The following SRRM4 variants were observed in gnomAD, a reference collection of about 807,000 sequenced individuals.
SRRM4 encodes the protein serine/arginine repetitive matrix protein 4.
In SRRM4, 33 loss-of-function variants were observed where a neutral mutation model predicts 68.9. That is an observed-to-expected ratio of 0.48 (90% CI 0.36 to 0.64). SRRM4 has a LOEUF of 0.64. Among genes scored for constraint, SRRM4 ranks in the 30% least tolerant of loss-of-function variants. SRRM4 has a pLI of 0.00. For missense variants in SRRM4, 817 were observed against 827.1 expected, an observed-to-expected ratio of 0.99 and a Z score of 0.15; for synonymous variants, 318 against 318.8, an observed-to-expected ratio of 1.00 and a Z score of 0.03.
intron 1 of SRRM4, among the ~76,000 whole-genome samples, chr12:119,042,116 C>A (rs1953673502): frequency 6.6e-6 from 1 of 152,158 alleles, no homozygotes; most frequent in Admixed American, 6.5e-5. Context: ...TTCCCAAGAA[C>A]ACGCAGTCAG....
intron 1 of SRRM4, among the ~76,000 whole-genome samples, chr12:119,049,532 T>A (rs1266607560): frequency 6.6e-6 from 1 of 152,196 alleles, no homozygotes; most frequent in Non-Finnish European, 1.5e-5. Flanking sequence ...TTTGAAAGGA[T>A]CACTCTGGCT....
chr12:118,983,743 G>A (rs964867386), intron 1 of SRRM4, among the ~76,000 whole-genome samples: 1 of 152,102 alleles, frequency 6.6e-6, no homozygotes, highest in Non-Finnish European at 1.5e-5. Context: ...GCCTTGCTTG[G>A]TACTTTCCAC....
chr12:119,076,059 T>C (rs1284143057), intron 1 of SRRM4, among the ~76,000 whole-genome samples: 1 of 151,772 alleles, frequency 6.6e-6, no homozygotes, highest in Admixed American at 6.6e-5. Flanking sequence ...ATGATGGTGA[T>C]GGTAGTAATG....
At chr12:119,144,863 A>G (rs1954390979) in intron 8 of SRRM4, among the ~76,000 whole-genome samples, 1 of 152,144 alleles carries the variant, frequency 6.6e-6, no homozygotes, top group African/African-American at 2.4e-5. Flanking sequence ...TATTCAGGCA[A>G]CTTTTTCTTT....
At chr12:119,002,285 G>T (rs940594444) in intron 1 of SRRM4, among the ~76,000 whole-genome samples, 1 of 152,002 alleles carries the variant, frequency 6.6e-6, no homozygotes, top group African/African-American at 2.4e-5. Context: ...CTGCTCTGAC[G>T]GTTTTTTTCC....
chr12:119,006,512 C>T (rs752470917), intron 1 of SRRM4, among the ~76,000 whole-genome samples: 2 of 152,166 alleles, frequency 1.3e-5, no homozygotes, highest in Non-Finnish European at 2.9e-5. Context: ...CTTCTGCTCC[C>T]GACTCCCCAT....
Position 119,158,164 on chromosome 12 carries a change from A to T in SRRM4, c.*1366A>T, listed in dbSNP as rs1954485972. On this transcript the variant is annotated 3_prime_UTR_variant, in exon 13 of 13. Coordinates refer to ENST00000267260, the MANE Select transcript of SRRM4 (RefSeq NM_194286.4). ...TAAGAACGGGGAGGTGAGGAATAAG[A>T]TCCTTAAAATAAACTCTTGGGCATC... 1 of 152,650 alleles carries T rather than the reference A, an allele frequency of 6.6e-6. No individual in the cohort carries two copies. Among genetic ancestry groups the T allele is most frequent in the South Asian group, 2.1e-4 (1 of 4,834 alleles). The allele number at this position is 152,650 out of a possible 1,614,324, so 9.5% of individuals were successfully genotyped here.
chr12:119,028,061 A>T (rs1953560799), intron 1 of SRRM4, among the ~76,000 whole-genome samples: 1 of 152,264 alleles, frequency 6.6e-6, no homozygotes, highest in Admixed American at 6.5e-5. Context: ...ATCACCTGGA[A>T]GGCTTGTTAA....
intron 1 of SRRM4, among the ~76,000 whole-genome samples, chr12:119,092,529 T>C (rs1014744878): frequency 6.6e-6 from 1 of 151,888 alleles, no homozygotes; most frequent in African/African-American, 2.4e-5. Flanking sequence ...AACCTTGGAG[T>C]CATCCTTGGC....
intron 6 of SRRM4, 22 bp from the exon 7 acceptor site, chr12:119,125,359 C>A: frequency 6.2e-7 from 1 of 1,604,680 alleles, no homozygotes; most frequent in Non-Finnish European, 8.5e-7. Context: ...TCCTCTGACT[C>A]GTTCCTTCTC....
At chr12:118,988,568 G>A (rs1565884108) in intron 1 of SRRM4, among the ~76,000 whole-genome samples, 1 of 152,168 alleles carries the variant, frequency 6.6e-6, no homozygotes, top group African/African-American at 2.4e-5. Context: ...TAGCGAGCCT[G>A]CAAATGTGGA....
chr12:119,119,759 G>T (rs913775415), intron 4 of SRRM4, among the ~76,000 whole-genome samples: 5 of 151,980 alleles, frequency 3.3e-5, no homozygotes, highest in South Asian at 2.1e-4. Context: ...GTGATGATGA[G>T]GATGAGGAGG....
intron 8 of SRRM4, among the ~76,000 whole-genome samples, chr12:119,133,853 T>C (rs1443968118): frequency 6.6e-6 from 1 of 152,062 alleles, no homozygotes; most frequent in African/African-American, 2.4e-5. Context: ...GACAGACAAG[T>C]TAAAAACAGT....
In SRRM4 at chr12:119,013,925, C is replaced by T. The variant is rs565581161; in HGVS notation, c.131+31912C>T. ...TGCCCACCCCAAAGTGTGCATGCTA[C>T]CCTCCCCTTCTTCCCAACCCAGGGT... On this transcript the variant is annotated intron_variant, in intron 1 of 12. Transcript: ENST00000267260. 3.6e-5 allele frequency among the ~76,000 whole-genome samples: 5 copies of T among 138,240 alleles called. No individual in the cohort carries two copies. The East Asian group carries it at 5.9e-4, about 16-fold the overall frequency. 90.7% of individuals were successfully genotyped at this position (138,240 alleles called of 152,430 possible).
At chr12:119,075,637 A>ATG (rs1953906050) in intron 1 of SRRM4, among the ~76,000 whole-genome samples, 1 of 87,744 alleles carries the variant, frequency 1.1e-5, no homozygotes, top group African/African-American at 4.4e-5. Flanking sequence ...TGATAGTGGT[A>ATG]ATGATGATGA....
intron 4 of SRRM4, among the ~76,000 whole-genome samples, chr12:119,117,444 A>C (rs1459249124): frequency 6.6e-6 from 1 of 152,170 alleles, no homozygotes; most frequent in East Asian, 1.9e-4. Context: ...TTCCCAAGGA[A>C]ATGCCCCTCT....
intron 1 of SRRM4, among the ~76,000 whole-genome samples, chr12:119,098,553 G>A (rs923656948): frequency 4.6e-5 from 7 of 152,204 alleles, no homozygotes; most frequent in African/African-American, 7.2e-5. Context: ...GCAGAAAGAC[G>A]CAGTCTTGCT....
At position 119,014,204 on chromosome 12, in the gene SRRM4, C is replaced by CT. The variant is rs200355799; in HGVS notation, c.131+32199dup. Among the ~76,000 whole-genome samples the CT allele has an allele frequency of 7.9e-5, 12 of 151,794 alleles. No homozygotes were observed. The East Asian group carries it at 2.1e-3, about 27-fold the overall frequency. On this transcript the variant is annotated intron_variant, in intron 1 of 12. Transcript: ENST00000267260. ...ATCCGTTTAATAGAATTTGATTATT[C>CT]TTTTTTTTAATTTGTAAGAGCTCTT...
chr12:118,988,128 A>G (rs1301921391), intron 1 of SRRM4, among the ~76,000 whole-genome samples: 3 of 105,826 alleles, frequency 2.8e-5, no homozygotes, highest in Admixed American at 2.0e-4. Context: ...AGAGGAATGT[A>G]AAAAAAAAAC....
Sources: allele counts gnomAD v4.1 joint callset (sites outside exome capture counted in the v4.1 genomes callset), GRCh38; gene constraint gnomAD v4.1.1; transcripts MANE v1.5; gene names NCBI Gene and HGNC (gene_info 2026-07-23, HGNC 2026-07-21).